Variants in RSU1 observed in about 807,000 individuals in gnomAD.
RSU1 encodes the protein rsu-1.
In RSU1, 26 loss-of-function variants were observed where a neutral mutation model predicts 31.1. That is an observed-to-expected ratio of 0.84 (90% CI 0.61 to 1.16). The LOEUF (loss-of-function observed/expected upper bound fraction) is 1.16. RSU1 is among the 50% of genes most tolerant of loss of function. RSU1 has a pLI of 0.00. For synonymous variants in RSU1, 164 were observed against 136.3 expected (o/e 1.20, Z -1.41); for missense variants, 320 against 339.1 (o/e 0.94, Z 0.44).
rs374330538 is a variant in RSU1 at position 16,672,174 on chromosome 10, G to C, written c.731+22849C>G. Among the ~76,000 whole-genome samples, 20 of 151,432 alleles carry C rather than the reference G, an allele frequency of 1.3e-4. No individual in the cohort carries two copies. The East Asian group carries it at 3.4e-3, about 26-fold the overall frequency. The stretch of plus-strand genomic sequence containing the variant: ...AAAAAAAAAAAATTAGCCAGGCGTG[G>C]TGGCGGGTGCCTGTAGTCCCAGCTA... On this transcript the variant is annotated intron_variant, in intron 8 of 8. Transcript: ENST00000345264.
chr10:16,722,994 A>C (rs529267943), intron 7 of RSU1: 12 of 150,954 alleles, frequency 7.9e-5, no homozygotes, highest in Non-Finnish European at 1.6e-4. Flanking sequence ...ACATATACAT[A>C]TATGCATATA....
intron 8 of RSU1, among the ~76,000 whole-genome samples, chr10:16,691,691 G>A (rs1409222688): frequency 6.7e-6 from 1 of 149,412 alleles, no homozygotes; most frequent in Non-Finnish European, 1.5e-5. Context: ...AGGAGGCAAT[G>A]GCTCTCCGGT....
chr10:16,720,856 C>G (rs1309204925), intron 7 of RSU1, among the ~76,000 whole-genome samples: 2 of 152,126 alleles, frequency 1.3e-5, no homozygotes, highest in Admixed American at 6.6e-5. Flanking sequence ...CATGGTGGTG[C>G]ACTCCTGTGG....
At chr10:16,674,612 T>C (rs1038435986) in intron 8 of RSU1, among the ~76,000 whole-genome samples, 1 of 151,916 alleles carries the variant, frequency 6.6e-6, no homozygotes, top group East Asian at 1.9e-4. Flanking sequence ...ACGATAAAAT[T>C]GGAGGCAGGA....
chr10:16,646,013 CATATATGTGTAT>C (rs1437982602), intron 8 of RSU1, among the ~76,000 whole-genome samples: 2,316 of 87,574 alleles, frequency 0.026, 469 homozygotes, highest in Admixed American at 0.036. Flanking sequence ...TGTGTATATA[CATATATGTGTAT>C]ATATATGTGT....
intron 8 of RSU1, among the ~76,000 whole-genome samples, chr10:16,609,617 T>C (rs909480099): frequency 2.6e-5 from 4 of 152,154 alleles, no homozygotes; most frequent in African/African-American, 9.7e-5. Flanking sequence ...CAAAGGAAAG[T>C]GTGCACCATG....
chr10:16,674,970 T>C (rs1348041181), intron 8 of RSU1, among the ~76,000 whole-genome samples: 1 of 151,746 alleles, frequency 6.6e-6, no homozygotes, highest in Non-Finnish European at 1.5e-5. Flanking sequence ...GAGGCGGAGG[T>C]TGCAGTGAGC....
intron 8 of RSU1, among the ~76,000 whole-genome samples, chr10:16,632,836 T>C (rs973112939): frequency 4.6e-5 from 7 of 151,874 alleles, no homozygotes; most frequent in African/African-American, 1.7e-4. Context: ...TCCTACCTCC[T>C]AGGGAGGCTG....
chr10:16,610,558 C>T (rs1343017338), intron 8 of RSU1, among the ~76,000 whole-genome samples: 1 of 152,106 alleles, frequency 6.6e-6, no homozygotes, highest in Non-Finnish European at 1.5e-5. Context: ...CTAGGTTGCA[C>T]GCTCCTTATG....
At chr10:16,650,293 A>G (rs1191917349) in intron 8 of RSU1, among the ~76,000 whole-genome samples, 2 of 152,214 alleles carry the variant, frequency 1.3e-5, no homozygotes, top group African/African-American at 2.4e-5. Context: ...CCTTTCTATT[A>G]TAACAGAAGT....
At chr10:16,815,625 T>C (rs1838512597) in intron 2 of RSU1, among the ~76,000 whole-genome samples, 1 of 152,206 alleles carries the variant, frequency 6.6e-6, no homozygotes. Context: ...AGCATGAATA[T>C]TGCACAGCTT....
At chr10:16,657,270 C>G (rs1834802222) in intron 8 of RSU1, among the ~76,000 whole-genome samples, 1 of 152,258 alleles carries the variant, frequency 6.6e-6, no homozygotes, top group South Asian at 2.1e-4. Flanking sequence ...ATGGTAACTC[C>G]TAGTACTTCC....
At chr10:16,699,598 T>A (rs1031185281) in intron 7 of RSU1, among the ~76,000 whole-genome samples, 3 of 152,192 alleles carry the variant, frequency 2.0e-5, no homozygotes, top group African/African-American at 4.8e-5. Flanking sequence ...CCCTCACCCA[T>A]CCCCTTTATT....
intron 8 of RSU1, among the ~76,000 whole-genome samples, chr10:16,596,534 C>A (rs1564280643): frequency 6.6e-6 from 1 of 152,186 alleles, no homozygotes; most frequent in African/African-American, 2.4e-5. Flanking sequence ...GCTCCCCTCA[C>A]CTGGCAGGAA....
At chr10:16,656,535 G>T (rs1834782081) in intron 8 of RSU1, among the ~76,000 whole-genome samples, 1 of 152,188 alleles carries the variant, frequency 6.6e-6, no homozygotes, top group South Asian at 2.1e-4. Flanking sequence ...TTTATTTTAA[G>T]GTGTCAACCA....
chr10:16,657,977 G>A (rs529461201), intron 8 of RSU1, among the ~76,000 whole-genome samples: 9 of 150,038 alleles, frequency 6.0e-5, no homozygotes, highest in Admixed American at 2.0e-4. Flanking sequence ...GGAACAGAGC[G>A]AGAATCTGTC....
At chr10:16,756,668 T>C (rs950431310) in intron 4 of RSU1, among the ~76,000 whole-genome samples, 3 of 152,388 alleles carry the variant, frequency 2.0e-5, no homozygotes, top group East Asian at 1.9e-4. Context: ...TTTCTAGTTT[T>C]GGTAAGGCTT....
intron 8 of RSU1, among the ~76,000 whole-genome samples, chr10:16,687,175 C>A (rs1835455499): frequency 6.6e-6 from 1 of 152,162 alleles, no homozygotes; most frequent in Non-Finnish European, 1.5e-5. Flanking sequence ...GACACGTATA[C>A]AATGGAGTCT....
At chr10:16,643,226 T>C (rs542478235) in intron 8 of RSU1, among the ~76,000 whole-genome samples, 1 of 152,204 alleles carries the variant, frequency 6.6e-6, no homozygotes, top group African/African-American at 2.4e-5. Flanking sequence ...TAACAATTTA[T>C]AGAAGAGCAT....
Sources: allele counts gnomAD v4.1 joint callset (sites outside exome capture counted in the v4.1 genomes callset), GRCh38; gene constraint gnomAD v4.1.1; transcripts MANE v1.5; gene names NCBI Gene and HGNC (gene_info 2026-07-23, HGNC 2026-07-21).